The following FHOD1 variants were observed in gnomAD, a reference collection of about 807,000 sequenced individuals.
The protein encoded by FHOD1 is FH1/FH2 domain-containing protein 1.
Under a neutral mutation model 111.6 loss-of-function variants are expected in FHOD1, and 89 were observed. The observed-to-expected ratio is 0.80, with a 90% CI of 0.67 to 0.95. The LOEUF (loss-of-function observed/expected upper bound fraction) is 0.95. Among genes scored for constraint, FHOD1 ranks in the 40% least tolerant of loss-of-function variants. The probability of loss-of-function intolerance (pLI) is 0.00; values close to 1 mark genes in which losing one functional copy is unlikely to be tolerated. For synonymous variants in FHOD1, 618 were observed against 639.0 expected, an observed-to-expected ratio of 0.97 and a Z score of 0.50; for missense variants, 1,446 against 1,554.2, an observed-to-expected ratio of 0.93 and a Z score of 1.17.
In FHOD1 at chr16:67,247,361, G is replaced by A. The variant is rs749236488; in HGVS notation, c.50C>T (p.Thr17Ile). 2.5e-6 allele frequency: 4 copies of A among 1,613,586 alleles called. No homozygotes were observed. Among genetic ancestry groups the A allele is most frequent in the Non-Finnish European group, 2.5e-6 (3 of 1,179,798 alleles). ...RGDGEPVSVVTVRVQYLEDTD... is the reference protein window; with the variant it reads ...RGDGEPVSVVIVRVQYLEDTD... ...GTCTTCCAGGTACTGCACCCTCACGGTCACCACTGATACCGGCTCTCCGTC... is the reference window on the plus strand; with the variant it reads ...GTCTTCCAGGTACTGCACCCTCACGATCACCACTGATACCGGCTCTCCGTC... Residue 17 changes from threonine to isoleucine, a missense_variant, in exon 1 of 22, where the codon ACC (threonine) becomes ATC (isoleucine). Coordinates refer to ENST00000258201, the MANE Select transcript of FHOD1 (RefSeq NM_013241.3).
chr16:67,234,735 C>T (rs970280656), intron 11 of FHOD1: 14 of 471,610 alleles, frequency 3.0e-5, no homozygotes, highest in Admixed American at 1.8e-4. Flanking sequence ...AACTTGCAAC[C>T]TCGTTCATGT....
Position 67,230,623 on chromosome 16 carries a change from C to T in FHOD1, c.2836G>A (p.Val946Met). ...CARRVAMLRI[V>M]HRRVCNRFHA... The stretch of plus-strand genomic sequence containing the variant: ...TACCTATTGCAGACACGGCGGTGCA[C>T]TATCCTTAGCATGGCAACACGGCGG... Residue 946 changes from valine to methionine, a missense_variant, in exon 18 of 22, where the codon GTG (valine) becomes ATG (methionine). This residue lies in a region of FHOD1 where 1,085 missense variants were observed against 1,108.8 expected (regional missense o/e 0.98). Transcript: ENST00000258201. The T allele has an allele frequency of 6.2e-7, 1 of 1,614,094 alleles. No individual in the cohort carries two copies. The highest frequency in any genetic ancestry group is 8.5e-7 in the Non-Finnish European group (1 of 1,179,956).
intron 12 of FHOD1, 45 bp from the exon 13 acceptor site, chr16:67,234,312 C>A: frequency 6.2e-7 from 1 of 1,600,276 alleles, no homozygotes; most frequent in South Asian, 1.1e-5. Context: ...CCCTGTGGGG[C>A]AACAAAGCAA....
At chr16:67,240,278 G>C (rs2034628921) in intron 1 of FHOD1, among the ~76,000 whole-genome samples, 1 of 152,194 alleles carries the variant, frequency 6.6e-6, no homozygotes, top group South Asian at 2.1e-4. Flanking sequence ...TGTAATCTCA[G>C]CACTTTGGGA....
In FHOD1 at chr16:67,234,055, C is replaced by T; in HGVS notation, c.1648G>A (p.Gly550Arg). 6.2e-7 allele frequency: 1 copy of T among 1,613,624 alleles called. No homozygotes were observed. The highest frequency in any genetic ancestry group is 1.3e-5 in the African/African-American group (1 of 75,026). Residue 550 changes from glycine to arginine, a missense_variant, in exon 13 of 22, where the codon GGG becomes AGG. Physicochemically the swap from Gly to Arg is moderately radical, Grantham distance 125. This residue lies in a region of FHOD1 where 1,085 missense variants were observed against 1,108.8 expected (regional missense o/e 0.98). Transcript: ENST00000258201. ...AGCATGTCCTGGTCTTCATCCTCCC[C>T]TAGATCTGAAAAGTCCAGGTCCCCA... Reference protein sequence around the residue: ...SIGDLDFSDLGEDEDQDMLNV... With the variant: ...SIGDLDFSDLREDEDQDMLNV...
intron 10 of FHOD1, 30 bp downstream of exon 10, chr16:67,236,936 C>G: frequency 6.9e-7 from 1 of 1,449,088 alleles, no homozygotes. Flanking sequence ...GTAGATCCAC[C>G]CTTTCCCATC....
Position 67,234,429 on chromosome 16 carries a change from G to A in FHOD1, c.1363C>T (p.Gln455Ter), listed in dbSNP as rs766612246. 3.7e-6 allele frequency: 6 copies of A among 1,608,074 alleles called. No individual in the cohort carries two copies. In the Admixed American group the frequency reaches 1.0e-4, roughly 27 times the overall value. Residue 455 changes from glutamine (Q) to a stop codon, truncating the protein, a stop_gained, in exon 12 of 22, where the codon CAG (glutamine) becomes TAG (stop). Transcript: ENST00000258201. LOFTEE classifies it high-confidence loss of function. ...ENVAAAETEK[Q>*]VALAQGRAET... ...GCCCGGCCCTGGGCCAGCGCAACCT[G>A]CTTCTCTGTTTCTGCTGCCGCCACA...
intron 1 of FHOD1, among the ~76,000 whole-genome samples, chr16:67,241,667 A>G (rs2034672255): frequency 6.6e-6 from 1 of 152,270 alleles, no homozygotes; most frequent in Non-Finnish European, 1.5e-5. Flanking sequence ...ACGAGTCAGA[A>G]AAAGCTCACA....
In FHOD1 at chr16:67,236,867, G is replaced by A. The variant is rs922794369; in HGVS notation, c.1142+99C>T. 666 of 1,469,384 alleles carry A rather than the reference G, an allele frequency of 4.5e-4. 1 individual carries two copies. The highest frequency in any genetic ancestry group is 5.0e-4 in the Non-Finnish European group (544 of 1,097,180). 91.0% of individuals were successfully genotyped at this position (1,469,384 alleles called of 1,614,324 possible). On this transcript the variant is annotated intron_variant, in intron 10 of 21. Coordinates refer to ENST00000258201, the MANE Select transcript of FHOD1 (RefSeq NM_013241.3). ...CCAGTGGAGGAGGTGGGGGCTGTCT[G>A]TGGGGCGGGGCCTGAGGGGGTTGGG...
chr16:67,230,845 A>G, intron 17 of FHOD1, 54 bp from the exon 18 acceptor site: 2 of 1,520,288 alleles, frequency 1.3e-6, no homozygotes, highest in Non-Finnish European at 1.8e-6. Context: ...TAGACAAGAC[A>G]TGGCCCGAGG....
chr16:67,230,835 T>C (rs1331040329), intron 17 of FHOD1, 44 bp from the exon 18 acceptor site: 1 of 1,532,366 alleles, frequency 6.5e-7, no homozygotes, highest in Admixed American at 2.0e-5. Context: ...CCACACCCTG[T>C]AGACAAGACA....
Position 67,238,351 on chromosome 16 carries a change from C to T in FHOD1, c.441+29G>A. The T allele has an allele frequency of 1.2e-6, 2 of 1,614,066 alleles. No homozygotes were observed. Among genetic ancestry groups the T allele is most frequent in the East Asian group, 2.2e-5 (1 of 44,888 alleles). ...AGTTTAGGGAAGCTTGGGCTACACACTTACCCCCAGCCCACTGCGGGGCCT... is the reference window on the plus strand; with the variant it reads ...AGTTTAGGGAAGCTTGGGCTACACATTTACCCCCAGCCCACTGCGGGGCCT... On this transcript the variant is annotated intron_variant, in intron 4 of 21. Coordinates refer to ENST00000258201, the MANE Select transcript of FHOD1 (RefSeq NM_013241.3). The surrounding 1 kb of genome is among the most constrained non-coding windows in gnomAD (Gnocchi z 4.2).
chr16:67,245,702 C>T (rs573965623), intron 1 of FHOD1, among the ~76,000 whole-genome samples: 1 of 151,962 alleles, frequency 6.6e-6, no homozygotes, highest in South Asian at 2.1e-4. Context: ...CCAAGATAGC[C>T]CCACTGTACT....
rs761603743 is a variant in FHOD1 at position 67,231,339 on chromosome 16, A to G, written c.2516T>C (p.Phe839Ser). The G allele has an allele frequency of 3.3e-5, 53 of 1,614,118 alleles. No homozygotes were observed. The highest frequency in any genetic ancestry group is 4.2e-5 in the Non-Finnish European group (50 of 1,180,008). Residue 839 changes from phenylalanine (F) to serine (S), a missense_variant, in exon 17 of 22, where the codon TTT becomes TCT. Around this residue, in one of 3 missense-constraint regions of FHOD1, gnomAD observed 1,085 missense variants for 1,108.8 expected, o/e 0.98. Coordinates refer to ENST00000258201, the MANE Select transcript of FHOD1 (RefSeq NM_013241.3). This position sits in a 1 kb window ranked among gnomAD's most constrained non-coding sequence, Gnocchi z 4.3. ...CACCTTCTCCAGGTAGCTCAGCTCAAAGCCGCTGCTCTGAAAGGACCCTTT... is the reference window on the plus strand; with the variant it reads ...CACCTTCTCCAGGTAGCTCAGCTCAGAGCCGCTGCTCTGAAAGGACCCTTT... Reference protein sequence around the residue: ...NFLNGSQSSGFELSYLEKVSE... With the variant: ...NFLNGSQSSGSELSYLEKVSE...
chr16:67,239,544 G>A, intron 1 of FHOD1, 90 bp from the exon 2 acceptor site: 3 of 893,126 alleles, frequency 3.4e-6, no homozygotes, highest in South Asian at 2.7e-5. Context: ...CACTTGAAGG[G>A]TGGCAGAGAG....
chr16:67,232,187 C>T lies in FHOD1; in HGVS notation c.2054G>A (p.Gly685Glu). ...TGTGGTCATTGTCCGGCGGCCCTCT[C>T]CAGCTTTCTGCATGGTTGGGGGAAG... ...AKEVLPSKKA[G>E]EGRRTMTTVL... is the part of the protein sequence containing the mutation. The change falls in exon 14 of 22, where the codon GGA becomes GAA. Residue 685 changes from glycine to glutamate, a missense_variant. Coordinates refer to ENST00000258201, the MANE Select transcript of FHOD1 (RefSeq NM_013241.3). 19 of 1,614,072 alleles carry T rather than the reference C, an allele frequency of 1.2e-5. No homozygotes were observed. Among genetic ancestry groups the T allele is most frequent in the Non-Finnish European group, 1.5e-5 (18 of 1,180,006 alleles).
intron 11 of FHOD1, among the ~76,000 whole-genome samples, chr16:67,235,073 T>G (rs1175583650): frequency 6.6e-6 from 1 of 152,204 alleles, no homozygotes; most frequent in Non-Finnish European, 1.5e-5. Context: ...TTTAAAAAAT[T>G]TCTTTGTAGA....
At chr16:67,247,017 C>T (rs1309488906) in intron 1 of FHOD1, 193 bp downstream of exon 1, 1 of 626,806 alleles carries the variant, frequency 1.6e-6, no homozygotes, top group East Asian at 3.2e-5. Flanking sequence ...CCTGGCACCC[C>T]TCTTCAGTTT....
rs534880021 is a variant in FHOD1 at position 67,236,943 on chromosome 16, C to T, written c.1142+23G>A. 1.6e-5 allele frequency: 23 copies of T among 1,455,082 alleles called. No homozygotes were observed. In the South Asian group the frequency reaches 2.1e-4, roughly 13 times the overall value. The allele number at this position is 1,455,082 out of a possible 1,614,324, so 90.1% of individuals were successfully genotyped here. Reference sequence around the variant, plus strand: ...CATGCCTAGTAGATCCACCCTTTCCCATCTACAGATGCTCGTACTTACCCA... The same window carrying T: ...CATGCCTAGTAGATCCACCCTTTCCTATCTACAGATGCTCGTACTTACCCA... On this transcript the variant is annotated intron_variant, in intron 10 of 21. Coordinates refer to ENST00000258201, the MANE Select transcript of FHOD1 (RefSeq NM_013241.3).
Sources: gnomAD v4.1 joint callset for allele counts (sites outside exome capture counted in the v4.1 genomes callset) on GRCh38, gnomAD v4.1.1 for gene constraint, gnomAD v4.1.1 regional missense constraint, Gnocchi (gnomAD v3.1) non-coding constraint, MANE v1.5 for transcripts, NCBI Gene and HGNC (gene_info 2026-07-23, HGNC 2026-07-21) for gene names.